Variants in VPS13D observed in about 807,000 individuals in gnomAD.
VPS13D encodes the protein vacuolar protein sorting 13 homolog D.
Under a neutral mutation model 461.9 loss-of-function variants are expected in VPS13D, and 187 were observed. That is an observed-to-expected ratio of 0.40 (90% confidence interval 0.36 to 0.46). The LOEUF (loss-of-function observed/expected upper bound fraction) is 0.46. VPS13D is among the 20% of genes least tolerant of loss of function. The pLI, the probability that VPS13D is intolerant of heterozygous loss-of-function variation, is 0.60. For synonymous variants in VPS13D, 1,951 were observed against 1,986.3 expected (o/e 0.98, Z 0.47); for missense variants, 4,711 against 5,364.9 (o/e 0.88, Z 3.81).
At chr1:12,496,128 CTT>C (rs1362838320) in intron 67 of VPS13D, among the ~76,000 whole-genome samples, 1 of 152,218 alleles carries the variant, frequency 6.6e-6, no homozygotes, top group African/African-American at 2.4e-5. Flanking sequence ...GTTTTTTACT[CTT>C]TCCCTTAGTG....
chr1:12,300,131 C>T (rs984684844), intron 25 of VPS13D, among the ~76,000 whole-genome samples: 3 of 150,590 alleles, frequency 2.0e-5, no homozygotes, highest in Admixed American at 6.6e-5. Context: ...ATCTGTTGTT[C>T]TCATATTTAT....
intron 30 of VPS13D, among the ~76,000 whole-genome samples, chr1:12,316,059 C>T (rs1273166714): frequency 6.6e-6 from 1 of 152,172 alleles, no homozygotes; most frequent in African/African-American, 2.4e-5. Flanking sequence ...TTGTGATCTG[C>T]CCGCCTCAGC....
intron 65 of VPS13D, among the ~76,000 whole-genome samples, chr1:12,417,311 T>C (rs1376627889): frequency 1.3e-5 from 2 of 152,232 alleles, no homozygotes; most frequent in Non-Finnish European, 2.9e-5. Flanking sequence ...TTCTCCAGTA[T>C]CTTGCAGCTA....
At chr1:12,467,457 A>G (rs570645125) in intron 67 of VPS13D, among the ~76,000 whole-genome samples, 89 of 152,364 alleles carry the variant, frequency 5.8e-4, no homozygotes, top group Non-Finnish European at 1.0e-3. Flanking sequence ...GGCGTGAGCC[A>G]CCACACCCAG....
At chr1:12,397,062 T>C (rs1470560717) in intron 60 of VPS13D, among the ~76,000 whole-genome samples, 1 of 152,142 alleles carries the variant, frequency 6.6e-6, no homozygotes, top group Non-Finnish European at 1.5e-5. Flanking sequence ...GCCTCCCAAA[T>C]AGATGGGATT....
At chr1:12,268,618 T>A (rs1314405906) in intron 15 of VPS13D, 88 bp from the exon 16 acceptor site, 1 of 1,381,234 alleles carries the variant, frequency 7.2e-7, no homozygotes, top group Admixed American at 2.3e-5. Flanking sequence ...TTAGAAAATG[T>A]CTGTTTTTCC....
intron 52 of VPS13D, among the ~76,000 whole-genome samples, chr1:12,364,083 T>C (rs879888606): frequency 3.3e-5 from 5 of 151,710 alleles, no homozygotes; most frequent in East Asian, 3.9e-4. Context: ...AAAACAGATA[T>C]CAAATTTACT....
chr1:12,252,348 G>A (rs548509614), intron 6 of VPS13D, among the ~76,000 whole-genome samples: 3 of 151,980 alleles, frequency 2.0e-5, no homozygotes, highest in Admixed American at 6.6e-5. Context: ...TGCCCCCACC[G>A]CACACATCCA....
intron 63 of VPS13D, among the ~76,000 whole-genome samples, chr1:12,414,222 C>T (rs537542864): frequency 1.6e-4 from 25 of 151,558 alleles, no homozygotes; most frequent in Admixed American, 5.3e-4. Flanking sequence ...AGGTCAAGGC[C>T]GCAGTGAGCT....
chr1:12,430,196 C>T (rs1181575366), intron 65 of VPS13D, among the ~76,000 whole-genome samples: 1 of 152,220 alleles, frequency 6.6e-6, no homozygotes, highest in African/African-American at 2.4e-5. Context: ...AGAGGAGGCA[C>T]TCATGGCTCC....
intron 7 of VPS13D, among the ~76,000 whole-genome samples, chr1:12,255,057 TGCCTCA>T (rs936874550): frequency 2.4e-4 from 36 of 152,096 alleles, no homozygotes. Flanking sequence ...GTGATTCTCC[TGCCTCA>T]GCCTCCTGAG....
chr1:12,338,121 T>C (rs1454965935), intron 39 of VPS13D, 110 bp from the exon 40 acceptor site: 1 of 951,190 alleles, frequency 1.1e-6, no homozygotes. Flanking sequence ...ACTTGCATGA[T>C]GCTTGCTATT....
intron 21 of VPS13D, among the ~76,000 whole-genome samples, chr1:12,286,901 C>T (rs921719240): frequency 6.6e-6 from 1 of 152,190 alleles, no homozygotes; most frequent in African/African-American, 2.4e-5. Flanking sequence ...TGCCCTATCA[C>T]CCAGGCTGTA....
At chr1:12,358,176 C>A (rs984077365) in intron 49 of VPS13D, among the ~76,000 whole-genome samples, 12 of 152,156 alleles carry the variant, frequency 7.9e-5, no homozygotes, top group Non-Finnish European at 1.6e-4. Context: ...GCACCACTTT[C>A]CTCATGTGTT....
chr1:12,401,321 C>T (rs903393939), intron 61 of VPS13D, among the ~76,000 whole-genome samples: 1 of 152,140 alleles, frequency 6.6e-6, no homozygotes, highest in Non-Finnish European at 1.5e-5. Flanking sequence ...GAGCACACAC[C>T]ATAAAGTTCA....
At chr1:12,281,891 T>C (rs1488590871) in intron 20 of VPS13D, among the ~76,000 whole-genome samples, 1 of 147,390 alleles carries the variant, frequency 6.8e-6, no homozygotes, top group Non-Finnish European at 1.5e-5. Context: ...GCCTGAAAAT[T>C]TTTTTTTTTT....
intron 29 of VPS13D, 133 bp downstream of exon 29, chr1:12,312,058 T>TACGGCGACC: frequency 1.8e-6 from 1 of 558,358 alleles, no homozygotes; most frequent in Non-Finnish European, 2.9e-6. Flanking sequence ...TGTCTTTTGG[T>TACGGCGACC]TGATCTACAC....
chr1:12,493,530 A>G (rs1319013608), intron 67 of VPS13D, among the ~76,000 whole-genome samples: 1 of 151,900 alleles, frequency 6.6e-6, no homozygotes, highest in Non-Finnish European at 1.5e-5. Flanking sequence ...CCAGGTGCTC[A>G]TAGGCTTACT....
At chr1:12,352,653 T>A (rs760412306) in intron 46 of VPS13D, among the ~76,000 whole-genome samples, 6 of 152,136 alleles carry the variant, frequency 3.9e-5, no homozygotes, top group East Asian at 3.8e-4. Flanking sequence ...TGGAGAAATG[T>A]GTGGCAATTT....
Sources: allele counts gnomAD v4.1 joint callset (sites outside exome capture counted in the v4.1 genomes callset), GRCh38; gene constraint gnomAD v4.1.1; transcripts MANE v1.5; gene names NCBI Gene and HGNC (gene_info 2026-07-23, HGNC 2026-07-21).